Variants in HTT-AS observed in about 807,000 individuals in gnomAD.
The protein encoded by HTT-AS is HTT antisense RNA, also known as HTT antisense RNA (head to head).
intron 1 of HTT-AS, among the ~76,000 whole-genome samples, chr4:3,068,444 G>A (rs1282038369): frequency 6.6e-6 from 1 of 151,924 alleles, no homozygotes; most frequent in East Asian, 1.9e-4. Context: ...TGATTGAACT[G>A]GAAAGATTTC....
intron 2 of HTT-AS, among the ~76,000 whole-genome samples, chr4:3,051,872 G>T (rs1223936902): frequency 1.3e-5 from 2 of 151,952 alleles, no homozygotes; most frequent in African/African-American, 4.8e-5. Flanking sequence ...GTCAGTAACT[G>T]CTGCAGATCC....
At chr4:3,047,273 T>C (rs1028007930), downstream of HTT-AS, among the ~76,000 whole-genome samples, 1 of 152,106 alleles carries the variant, frequency 6.6e-6, no homozygotes, top group African/African-American at 2.4e-5. Context: ...ATTGCGCCAC[T>C]GCCCTCCAGC....
At chr4:3,066,479 T>C (rs771707996) in intron 1 of HTT-AS, among the ~76,000 whole-genome samples, 1 of 152,142 alleles carries the variant, frequency 6.6e-6, no homozygotes, top group Non-Finnish European at 1.5e-5. Flanking sequence ...GAGCTAAGCC[T>C]CTTGAGCATA....
intron 2 of HTT-AS, among the ~76,000 whole-genome samples, chr4:3,061,986 TAA>T (rs548695397): frequency 0.072 from 4,555 of 63,278 alleles, 186 homozygotes; most frequent in African/African-American, 0.15. Flanking sequence ...TATCTCAAAT[TAA>T]AAAAAAAAAA....
downstream of HTT-AS, among the ~76,000 whole-genome samples, chr4:3,048,334 C>A (rs1711638360): frequency 6.6e-6 from 1 of 152,202 alleles, no homozygotes; most frequent in African/African-American, 2.4e-5. Flanking sequence ...CATGGTCACA[C>A]ATTTCTTTCA....
At chr4:3,053,649 G>T (rs1314273549) in intron 2 of HTT-AS, among the ~76,000 whole-genome samples, 1 of 152,042 alleles carries the variant, frequency 6.6e-6, no homozygotes, top group African/African-American at 2.4e-5. Flanking sequence ...GCCTTTTAGT[G>T]CATGTAACTT....
At chr4:3,047,759 C>G (rs183939461), downstream of HTT-AS, among the ~76,000 whole-genome samples, 201 of 152,382 alleles carry the variant, frequency 1.3e-3, no homozygotes, top group African/African-American at 4.6e-3. Flanking sequence ...GCCTGACCAT[C>G]TCCCTGTGAT....
At chr4:3,060,095 C>G in intron 2 of HTT-AS, among the ~76,000 whole-genome samples, 1 of 152,216 alleles carries the variant, frequency 6.6e-6, no homozygotes, top group East Asian at 1.9e-4. Context: ...TACTTCCCTA[C>G]AGTAATGCCC....
intron 2 of HTT-AS, among the ~76,000 whole-genome samples, chr4:3,049,975 A>T (rs539080386): frequency 1.8e-4 from 13 of 72,506 alleles, no homozygotes; most frequent in Middle Eastern, 8.2e-3. Flanking sequence ...TTTGAGATGG[A>T]ATCTCTGTCA....
intron 1 of HTT-AS, among the ~76,000 whole-genome samples, chr4:3,068,563 A>T (rs372011648): frequency 1.5e-4 from 23 of 152,270 alleles, no homozygotes; most frequent in African/African-American, 5.1e-4. Flanking sequence ...AGAGTGATAA[A>T]AATGGAAAAT....
chr4:3,058,331 G>GAA (rs201222828), intron 2 of HTT-AS, among the ~76,000 whole-genome samples: 2 of 143,468 alleles, frequency 1.4e-5, no homozygotes, highest in Admixed American at 6.9e-5. Flanking sequence ...TGTCTCAAAA[G>GAA]AAAAAAAAAA....
chr4:3,061,326 T>C (rs1400874048), intron 2 of HTT-AS, among the ~76,000 whole-genome samples: 2 of 152,146 alleles, frequency 1.3e-5, no homozygotes. Flanking sequence ...AGGTCACAGG[T>C]AGACAAATGG....
At position 3,059,489 on chromosome 4, in the gene HTT-AS, C is replaced by G. The variant is rs1711882550; in HGVS notation, n.1380+2945G>C. ...CACCAAGGTTCCAATTTCTCCACTT[C>G]CTCATAAATAAGTCATTTTAAATGG... is the stretch of plus-strand genomic sequence containing the variant. On this transcript the variant is annotated intron_variant and non_coding_transcript_variant, in intron 2 of 2. Coordinates refer to ENST00000664062, the Ensembl canonical transcript of HTT-AS. Among the ~76,000 whole-genome samples, 3 of 152,254 alleles carry G rather than the reference C, an allele frequency of 2.0e-5. No individual in the cohort carries two copies. The East Asian group carries it at 5.8e-4, about 29-fold the overall frequency.
intron 1 of HTT-AS, chr4:3,074,329 G>GCCC (rs1029546633): frequency 1.2e-5 from 1 of 80,518 alleles, no homozygotes; most frequent in African/African-American, 5.5e-5. Flanking sequence ...GCATCGCCAC[G>GCCC]CCCCCCGCAT....
At chr4:3,065,897 CA>C (rs1560531681) in intron 1 of HTT-AS, among the ~76,000 whole-genome samples, 1 of 152,158 alleles carries the variant, frequency 6.6e-6, no homozygotes, top group East Asian at 1.9e-4. Flanking sequence ...ATCATCAAGT[CA>C]AAAAATTTTA....
chr4:3,069,720 C>G (rs1235075805), intron 1 of HTT-AS, among the ~76,000 whole-genome samples: 3 of 152,202 alleles, frequency 2.0e-5, no homozygotes, highest in African/African-American at 7.2e-5. Flanking sequence ...TGTCCTGCGC[C>G]TCAGCCATCC....
intron 2 of HTT-AS, among the ~76,000 whole-genome samples, chr4:3,052,170 TA>T (rs1711714757): frequency 6.6e-6 from 1 of 152,250 alleles, no homozygotes; most frequent in African/African-American, 2.4e-5. Flanking sequence ...GAGTACTTTC[TA>T]ATTGATATTT....
intron 2 of HTT-AS, among the ~76,000 whole-genome samples, chr4:3,057,832 C>G (rs534849639): frequency 1.5e-3 from 233 of 151,590 alleles, no homozygotes; most frequent in African/African-American, 5.4e-3. Context: ...ACCATGTTAG[C>G]CAGGATGGTC....
chr4:3,055,260 T>C (rs1234175998), intron 2 of HTT-AS, among the ~76,000 whole-genome samples: 1 of 151,394 alleles, frequency 6.6e-6, no homozygotes, highest in Non-Finnish European at 1.5e-5. Flanking sequence ...ATGGCGCCAC[T>C]GCACTCCAGC....
Sources: allele counts gnomAD v4.1 joint callset (sites outside exome capture counted in the v4.1 genomes callset), GRCh38; gene constraint gnomAD v4.1.1; transcripts MANE v1.5; gene names NCBI Gene and HGNC (gene_info 2026-07-23, HGNC 2026-07-21).